KIAA1671: variants seen among roughly 807,000 people sequenced by gnomAD.
KIAA1671 encodes KIAA1671.
In KIAA1671, 52 loss-of-function variants were observed where a neutral mutation model predicts 131.2. That is an observed-to-expected ratio of 0.40 (90% CI 0.32 to 0.50). The LOEUF is 0.50. Among genes scored for constraint, KIAA1671 ranks in the 20% least tolerant of loss-of-function variants. KIAA1671 has a pLI of 0.73. For missense variants in KIAA1671, 2,360 were observed against 2,364.2 expected (o/e 1.00, Z 0.04); for synonymous variants, 1,003 against 961.6 (o/e 1.04, Z -0.80).
At position 25,038,752 on chromosome 22, in the gene KIAA1671, C is replaced by T; in HGVS notation, c.1630-8C>T. ...GAGGTGTTTCTTTTTCTTTTTGTTTCTTTCCAGCAAAAGGAGGGGCACAGT... is the reference window on the plus strand; with the variant it reads ...GAGGTGTTTCTTTTTCTTTTTGTTTTTTTCCAGCAAAAGGAGGGGCACAGT... On this transcript the variant is annotated splice_polypyrimidine_tract_variant and splice_region_variant and intron_variant, in intron 4 of 12. Transcript: ENST00000358431. The T allele has an allele frequency of 2.0e-6, 3 of 1,514,040 alleles. No individual in the cohort carries two copies. Among genetic ancestry groups the T allele is most frequent in the Admixed American group, 4.3e-5 (2 of 46,172 alleles). The allele number at this position is 1,514,040 out of a possible 1,614,324, so 93.8% of individuals were successfully genotyped here.
In KIAA1671 at chr22:25,040,710, T is replaced by C. The variant is rs2145806879; in HGVS notation, c.3580T>C (p.Tyr1194His). ...GTTCCCAGGTAAAATCAGAGATGGC[T>C]ACAGATCCAGCGTTCTTGACATTGA... ...DTFPGKIRDGYRSSVLDIDAL... is the reference protein window; with the variant it reads ...DTFPGKIRDGHRSSVLDIDAL... The change falls in exon 5 of 13, where the codon TAC becomes CAC. Residue 1194 changes from tyrosine (Y) to histidine (H), a missense_variant. Around this residue, in one of 3 missense-constraint regions of KIAA1671, gnomAD observed 1,161 missense variants for 1,204.7 expected, o/e 0.96. Coordinates refer to ENST00000358431, the MANE Select transcript of KIAA1671 (RefSeq NM_001145206.2). 1 of 1,552,120 alleles carries C rather than the reference T, an allele frequency of 6.4e-7. No homozygotes were observed. Among genetic ancestry groups the C allele is most frequent in the South Asian group, 1.2e-5 (1 of 84,064 alleles).
intron 6 of KIAA1671, among the ~76,000 whole-genome samples, chr22:25,079,792 C>T (rs754346651): frequency 6.6e-6 from 1 of 152,132 alleles, no homozygotes; most frequent in Non-Finnish European, 1.5e-5. Flanking sequence ...TTGGGGACAC[C>T]AGAGCCATGG....
At chr22:25,003,400 ATTTTTTTTTTTTTT>A (rs71191013) in intron 1 of KIAA1671, among the ~76,000 whole-genome samples, 39 of 113,814 alleles carry the variant, frequency 3.4e-4, no homozygotes, top group Non-Finnish European at 3.6e-4. Flanking sequence ...ACTTGGAGAG[ATTTTTTTTTTTTTT>A]TTTTTTTTTT....
intron 11 of KIAA1671, among the ~76,000 whole-genome samples, chr22:25,187,876 G>A (rs535257110): frequency 6.6e-5 from 10 of 152,244 alleles, no homozygotes; most frequent in African/African-American, 2.4e-4. Flanking sequence ...CTAAGAAGAA[G>A]GTTAAAAAAT....
In KIAA1671 at chr22:25,170,879, C is replaced by T. The variant is rs761311291; in HGVS notation, c.4590C>T (p.Leu1530=). ...QPTEPKDTDT[L]VHEAGSQYGT... ...CTGAACCCAAGGACACTGACACCCT[C>T]GTGCACGAAGCCGGCAGCCAGTATG... Residue 1530 remains leucine, a synonymous_variant, in exon 7 of 13, where the codon CTC becomes CTT. Coordinates refer to ENST00000358431, the MANE Select transcript of KIAA1671 (RefSeq NM_001145206.2). The T allele has an allele frequency of 2.5e-5, 39 of 1,551,566 alleles. No homozygotes were observed. Among genetic ancestry groups the T allele is most frequent in the Middle Eastern group, 3.3e-4 (2 of 6,014 alleles).
chr22:25,123,755 C>T (rs1327908452), intron 6 of KIAA1671, among the ~76,000 whole-genome samples: 1 of 152,222 alleles, frequency 6.6e-6, no homozygotes, highest in Non-Finnish European at 1.5e-5. Context: ...ATGAGATACC[C>T]TGAGCCAGGA....
Position 24,969,895 on chromosome 22 carries a change from G to T in KIAA1671, c.-208+17123G>T, listed in dbSNP as rs1044456624. On this transcript the variant is annotated intron_variant, in intron 1 of 12. Coordinates refer to ENST00000358431, the MANE Select transcript of KIAA1671 (RefSeq NM_001145206.2). Reference sequence around the variant, plus strand: ...AGGTCTGTGCACTGTTTAGAGAGGGGCCCCTTCTATGGATGCTGTAATTGA... The same window carrying T: ...AGGTCTGTGCACTGTTTAGAGAGGGTCCCCTTCTATGGATGCTGTAATTGA... Among the ~76,000 whole-genome samples the T allele has an allele frequency of 3.3e-5, 5 of 152,272 alleles. No individual in the cohort carries two copies. In the East Asian group the frequency reaches 9.6e-4, roughly 29 times the overall value.
intron 6 of KIAA1671, among the ~76,000 whole-genome samples, chr22:25,092,600 T>C (rs4822559): frequency 0.91 from 137,762 of 152,148 alleles, 62,633 homozygotes; most frequent in East Asian, 1. Context: ...GGGAGGCCAG[T>C]GGCAGTGGGG....
At chr22:25,187,955 G>A (rs1934532586) in intron 11 of KIAA1671, among the ~76,000 whole-genome samples, 2 of 152,156 alleles carry the variant, frequency 1.3e-5, no homozygotes, top group African/African-American at 4.8e-5. Flanking sequence ...AATTCATTGA[G>A]CTGTGCACAT....
At position 25,041,139 on chromosome 22, in the gene KIAA1671, C is replaced by G; in HGVS notation, c.4009C>G (p.His1337Asp). Residue 1337 changes from histidine to aspartate, a missense_variant, in exon 5 of 13, where the codon CAT becomes GAT. His to Asp is a moderately conservative substitution (Grantham distance 81). This residue lies in a region of KIAA1671 where 1,161 missense variants were observed against 1,204.7 expected (regional missense o/e 0.96). Transcript: ENST00000358431. ...DDRKAFASKH[H>D]VAKCQNYLAE... Reference sequence around the variant, plus strand: ...CAGAAAGGCCTTTGCCAGTAAACATCATGTTGCAAAGTGTCAGAATTACCT... The same window carrying G: ...CAGAAAGGCCTTTGCCAGTAAACATGATGTTGCAAAGTGTCAGAATTACCT... 6.4e-7 allele frequency: 1 copy of G among 1,550,936 alleles called. No homozygotes were observed.
chr22:25,069,114 A>G lies in KIAA1671; in HGVS notation c.4530+19750A>G, dbSNP rs530057927. On this transcript the variant is annotated intron_variant, in intron 6 of 12. Coordinates refer to ENST00000358431, the MANE Select transcript of KIAA1671 (RefSeq NM_001145206.2). ...CTGTCTCACTGTTTAGCTGCTGCTC[A>G]CCTCAGGAACCTCTTTTGACCCTGT... 2.6e-5 allele frequency among the ~76,000 whole-genome samples: 4 copies of G among 152,252 alleles called. No homozygotes were observed. The East Asian group carries it at 7.7e-4, about 29-fold the overall frequency.
At chr22:25,111,884 A>C (rs576145668) in intron 6 of KIAA1671, 1 of 198,270 alleles carries the variant, frequency 5.0e-6, no homozygotes, top group East Asian at 1.1e-4. Flanking sequence ...CTGGAACTGG[A>C]ACCTGGACTG....
intron 1 of KIAA1671, among the ~76,000 whole-genome samples, chr22:25,005,436 A>G (rs1924700992): frequency 6.6e-6 from 1 of 151,954 alleles, no homozygotes; most frequent in Non-Finnish European, 1.5e-5. Flanking sequence ...AGATTTTCCT[A>G]GTGCTTGTAT....
chr22:25,112,441 A>C (rs1213008796), intron 6 of KIAA1671: 3 of 398,990 alleles, frequency 7.5e-6, no homozygotes, highest in African/African-American at 6.2e-5. Context: ...AAAGGCATAC[A>C]GATTCGGAAC....
intron 6 of KIAA1671, among the ~76,000 whole-genome samples, chr22:25,142,033 C>T (rs1029602388): frequency 2.0e-5 from 3 of 152,138 alleles, no homozygotes; most frequent in Admixed American, 1.3e-4. Context: ...CTGGGAAGCA[C>T]CTTATAAGCC....
intron 6 of KIAA1671, chr22:25,056,229 T>TC (rs2145829129): frequency 6.7e-6 from 1 of 149,382 alleles, no homozygotes; most frequent in South Asian, 2.3e-4. Flanking sequence ...AATATTTTTT[T>TC]CCCATTCTGT....
intron 1 of KIAA1671, chr22:25,011,509 AACCCTG>A (rs1925032056): frequency 6.6e-6 from 1 of 151,946 alleles, no homozygotes; most frequent in Non-Finnish European, 1.5e-5. Flanking sequence ...TTGGTCTGGA[AACCCTG>A]ACTTCAGGTG....
Position 25,180,217 on chromosome 22 carries a change from G to A in KIAA1671, c.5075-1482G>A, listed in dbSNP as rs566446656. On this transcript the variant is annotated intron_variant, in intron 9 of 12. Coordinates refer to ENST00000358431, the MANE Select transcript of KIAA1671 (RefSeq NM_001145206.2). The stretch of plus-strand genomic sequence containing the variant: ...ATGCTTTGCTAAGGAGTTAGATTTC[G>A]TCTGTAGATGGAGAGCCATGAAAGA... 2.3e-4 allele frequency among the ~76,000 whole-genome samples: 35 copies of A among 152,348 alleles called. 1 individual carries two copies. The highest frequency in any genetic ancestry group is 1.0e-3 in the South Asian group (5 of 4,828).
chr22:24,996,947 G>T (rs1238543072), intron 1 of KIAA1671, among the ~76,000 whole-genome samples: 1 of 152,186 alleles, frequency 6.6e-6, no homozygotes, highest in Non-Finnish European at 1.5e-5. Flanking sequence ...TCCTTAATTG[G>T]CTGTGTGACC....
Sources: gnomAD v4.1 joint callset for allele counts (sites outside exome capture counted in the v4.1 genomes callset) on GRCh38, gnomAD v4.1.1 for gene constraint, gnomAD v4.1.1 regional missense constraint, MANE v1.5 for transcripts, NCBI Gene and HGNC (gene_info 2026-07-23, HGNC 2026-07-21) for gene names.